Variants in MGAM2 observed in about 807,000 individuals in gnomAD.
MGAM2 encodes the protein probable maltase-glucoamylase 2.
MGAM2 carries 98 observed loss-of-function variants against 96.1 expected under a neutral mutation model. The ratio of observed to expected loss-of-function variants is 1.02; its 90% CI spans 0.87 to 1.21. The LOEUF is 1.21. MGAM2 is among the 50% of genes most tolerant of loss of function. MGAM2 has a pLI of 0.00. For synonymous variants in MGAM2, 749 were observed against 414.8 expected (o/e 1.81, Z -9.79); for missense variants, 2,055 against 1,182.4 (o/e 1.74, Z -10.82).
intron 32 of MGAM2, among the ~76,000 whole-genome samples, chr7:142,182,798 A>C (rs1342786765): frequency 1.3e-5 from 2 of 152,100 alleles, no homozygotes; most frequent in Non-Finnish European, 2.9e-5. Context: ...TTGCCTCTCT[A>C]TAGACTGGCA....
At chr7:142,156,140 C>T (rs553749141) in intron 17 of MGAM2, among the ~76,000 whole-genome samples, 6 of 150,204 alleles carry the variant, frequency 4.0e-5, no homozygotes, top group South Asian at 4.2e-4. Flanking sequence ...AGCAAAATTC[C>T]GTCTCAAAAC....
chr7:142,165,273 A>C (rs1250390194), intron 24 of MGAM2, among the ~76,000 whole-genome samples: 2 of 152,176 alleles, frequency 1.3e-5, no homozygotes, highest in Admixed American at 1.3e-4. Flanking sequence ...CTCTGGGCGC[A>C]GTTAAAATGA....
At chr7:142,130,372 C>T (rs574346699) in intron 3 of MGAM2, among the ~76,000 whole-genome samples, 1 of 152,338 alleles carries the variant, frequency 6.6e-6, no homozygotes, top group Non-Finnish European at 1.5e-5. Context: ...GACTGGCTTC[C>T]AGCCCACTCT....
Position 142,210,825 on chromosome 7 carries a change from T to C in MGAM2, c.5187+2203T>C, listed in dbSNP as rs111913222. ...GAGAGCAGTGGATCTCCCAGCACAG[T>C]GCTGGAGCTCTGCTAAGGGACAGAC... On this transcript the variant is annotated intron_variant, in intron 46 of 47. Coordinates refer to ENST00000477922, the MANE Select transcript of MGAM2 (RefSeq NM_001293626.2). 8.7e-3 allele frequency among the ~76,000 whole-genome samples: 1,321 copies of C among 152,334 alleles called. 22 individuals are homozygous for C. Among genetic ancestry groups the C allele is most frequent in the African/African-American group, 0.029 (1,196 of 41,576 alleles).
In MGAM2 at chr7:142,208,375, C is replaced by T. The variant is rs1022936627; in HGVS notation, c.5138-198C>T. 13 of 658,340 alleles carry T rather than the reference C, an allele frequency of 2.0e-5. No individual in the cohort carries two copies. The African/African-American group carries it at 2.3e-4, about 12-fold the overall frequency. The allele number at this position is 658,340 out of a possible 1,614,324, so 40.8% of individuals were successfully genotyped here. A position where few individuals can be genotyped will look rare whatever the true frequency, so the allele number is the denominator to read the frequency against. Reference sequence around the variant, plus strand: ...CCTTCTGACCTCCCCGGCAAGGTACCCATTTGCATTTGCACATCCCCACAC... The same window carrying T: ...CCTTCTGACCTCCCCGGCAAGGTACTCATTTGCATTTGCACATCCCCACAC... On this transcript the variant is annotated intron_variant, in intron 45 of 47. Transcript: ENST00000477922.
intron 15 of MGAM2, among the ~76,000 whole-genome samples, chr7:142,149,946 CT>C (rs113381769): frequency 1.4e-3 from 183 of 134,630 alleles, no homozygotes; most frequent in South Asian, 3.5e-3. Flanking sequence ...CTGTTAAATT[CT>C]TTTTTTTTTT....
At chr7:142,187,290 C>A (rs1796728723) in intron 35 of MGAM2, among the ~76,000 whole-genome samples, 1 of 152,192 alleles carries the variant, frequency 6.6e-6, no homozygotes, top group African/African-American at 2.4e-5. Context: ...GTCCAAGCAA[C>A]TGGACTAAGA....
intron 43 of MGAM2, 100 bp from the exon 44 acceptor site, chr7:142,198,515 T>C (rs569164900): frequency 3.2e-6 from 2 of 617,698 alleles, no homozygotes; most frequent in East Asian, 2.8e-5. Flanking sequence ...TTGCTGACTT[T>C]CTAACATGCT....
chr7:142,153,958 A>G, intron 15 of MGAM2, 60 bp from the exon 16 acceptor site: 1 of 506,120 alleles, frequency 2.0e-6, no homozygotes, highest in South Asian at 3.5e-5. Flanking sequence ...CTCTTATTGT[A>G]AGGTGAGTCC....
rs1371617909 is a variant in MGAM2 at position 142,131,871 on chromosome 7, G to C, written c.421-60G>C. ...CATTTGAGATGGAACATCTTTTGTA[G>C]CTCTGTCTACAAGGAAGTGGTCTTA... On this transcript the variant is annotated intron_variant, in intron 5 of 47. Transcript: ENST00000477922. 4 of 650,072 alleles carry C rather than the reference G, an allele frequency of 6.2e-6. No individual in the cohort carries two copies. The African/African-American group carries it at 7.2e-5, about 12-fold the overall frequency. The allele number at this position is 650,072 out of a possible 1,614,324, so 40.3% of individuals were successfully genotyped here. A position where few individuals can be genotyped will look rare whatever the true frequency, so the allele number is the denominator to read the frequency against.
At chr7:142,204,447 A>G (rs1374583204) in intron 45 of MGAM2, among the ~76,000 whole-genome samples, 2 of 152,034 alleles carry the variant, frequency 1.3e-5, no homozygotes, top group African/African-American at 4.8e-5. Flanking sequence ...GCTTTTTAAC[A>G]TAATCTGATA....
chr7:142,118,207 C>G (rs1817483625), intron 2 of MGAM2, among the ~76,000 whole-genome samples: 1 of 152,130 alleles, frequency 6.6e-6, no homozygotes, highest in African/African-American at 2.4e-5. Context: ...CCATTCTCTT[C>G]TTTGCTTCTG....
At chr7:142,149,154 G>A (rs528805244) in intron 15 of MGAM2, among the ~76,000 whole-genome samples, 17 of 151,832 alleles carry the variant, frequency 1.1e-4, no homozygotes, top group African/African-American at 3.1e-4. Flanking sequence ...GCTTGAACCC[G>A]GGAGACGGAG....
At chr7:142,197,370 GAT>G (rs1563289593) in intron 40 of MGAM2, 28 bp from the exon 41 acceptor site, 2 of 699,850 alleles carry the variant, frequency 2.9e-6, no homozygotes, top group African/African-American at 3.5e-5. Context: ...AAGAAGAGGT[GAT>G]CCATTATATG....
At chr7:142,127,652 G>C (rs954776417) in intron 3 of MGAM2, among the ~76,000 whole-genome samples, 2 of 152,136 alleles carry the variant, frequency 1.3e-5, no homozygotes, top group African/African-American at 2.4e-5. Flanking sequence ...TCTTATGGTA[G>C]TGAATAAGTC....
intron 22 of MGAM2, 108 bp from the exon 23 acceptor site, chr7:142,161,847 G>A (rs115394048): frequency 5.2e-4 from 273 of 524,818 alleles, no homozygotes; most frequent in African/African-American, 5.1e-3. Flanking sequence ...ACTCAGATGA[G>A]CAGAACTAGA....
intron 25 of MGAM2, among the ~76,000 whole-genome samples, chr7:142,166,831 G>T (rs1283685722): frequency 6.6e-6 from 1 of 152,202 alleles, no homozygotes; most frequent in Non-Finnish European, 1.5e-5. Context: ...GGCATAGAAT[G>T]ACAGGAATTT....
chr7:142,193,662 C>T (rs202175384), intron 37 of MGAM2, among the ~76,000 whole-genome samples: 1 of 152,286 alleles, frequency 6.6e-6, no homozygotes, highest in East Asian at 1.9e-4. Context: ...GCTTTCCAAC[C>T]TAGATTCCAG....
chr7:142,115,533 A>T (rs1817358734), intron 1 of MGAM2, among the ~76,000 whole-genome samples: 2 of 152,238 alleles, frequency 1.3e-5, no homozygotes, highest in Admixed American at 6.5e-5. Context: ...CCTTGATGTG[A>T]TAAGATACTT....
Sources: gnomAD v4.1 joint callset for allele counts (sites outside exome capture counted in the v4.1 genomes callset) on GRCh38, gnomAD v4.1.1 for gene constraint, MANE v1.5 for transcripts, NCBI Gene and HGNC (gene_info 2026-07-23, HGNC 2026-07-21) for gene names.